The following IFNAR2 variants were observed in gnomAD, a reference collection of about 807,000 sequenced individuals.
IFNAR2 encodes the protein interferon alpha and beta receptor subunit 2.
IFNAR2 carries 30 observed loss-of-function variants against 49.4 expected under a neutral mutation model. The observed-to-expected ratio is 0.61, with a 90% CI of 0.45 to 0.82. The LOEUF is 0.82. IFNAR2 is among the 40% of genes least tolerant of loss of function. IFNAR2 has a pLI of 0.00. For missense variants in IFNAR2, 600 were observed against 622.7 expected, an observed-to-expected ratio of 0.96 and a Z score of 0.39; for synonymous variants, 224 against 234.5, an observed-to-expected ratio of 0.96 and a Z score of 0.41.
intron 5 of IFNAR2, 73 bp from the exon 6 acceptor site, chr21:33,248,636 G>T (rs1336636243): frequency 2.6e-5 from 37 of 1,432,020 alleles, no homozygotes; most frequent in Non-Finnish European, 3.3e-5. Flanking sequence ...GGCCAGAGAA[G>T]AACCACTTTA....
At chr21:33,236,699 A>G (rs1383179876) in intron 1 of IFNAR2, 1 of 985,242 alleles carries the variant, frequency 1.0e-6, no homozygotes, top group Non-Finnish European at 1.2e-6. Context: ...CTGGGAGCCT[A>G]AACTGCAGGA....
intron 1 of IFNAR2, among the ~76,000 whole-genome samples, chr21:33,238,109 G>A (rs750105342): frequency 3.9e-5 from 6 of 152,090 alleles, no homozygotes; most frequent in Admixed American, 1.3e-4. Context: ...CAAACATCTC[G>A]GCTGACCGAA....
In IFNAR2 at chr21:33,265,614, AATG is replaced by A. The variant is rs1988904605; in HGVS notation, c.*2117_*2119del. ...TTGTGTATTTTTTAACATTTTGTAT[AATG>A]ATTGGAGGTTGGTAAAAAGTAACAC... On this transcript the variant is annotated 3_prime_UTR_variant, in exon 9 of 9. Coordinates refer to ENST00000342136, the MANE Select transcript of IFNAR2 (RefSeq NM_001289125.3). The A allele has an allele frequency of 5.0e-6, 1 of 199,636 alleles. No homozygotes were observed. Among genetic ancestry groups the A allele is most frequent in the South Asian group, 6.1e-5 (1 of 16,360 alleles). The allele number at this position is 199,636 out of a possible 1,614,324, so 12.4% of individuals were successfully genotyped here.
chr21:33,246,805 C>T lies in IFNAR2; in HGVS notation c.309C>T (p.His103=), dbSNP rs1327351250. The T allele has an allele frequency of 3.1e-6, 5 of 1,613,932 alleles. No homozygotes were observed. The highest frequency in any genetic ancestry group is 3.3e-5 in the Admixed American group (2 of 60,018). ...CDLTDEWRST[H]EAYVTVLEGF... Reference sequence around the variant, plus strand: ...TCACAGATGAGTGGAGAAGCACACACGAGGCCTATGTCACCGTCCTAGAAG... The same window carrying T: ...TCACAGATGAGTGGAGAAGCACACATGAGGCCTATGTCACCGTCCTAGAAG... The change falls in exon 5 of 9, where the codon CAC becomes CAT. Residue 103 remains histidine, a synonymous_variant. Transcript: ENST00000342136.
At chr21:33,232,107 A>G (rs1986104722) in intron 1 of IFNAR2, among the ~76,000 whole-genome samples, 1 of 152,256 alleles carries the variant, frequency 6.6e-6, no homozygotes, top group African/African-American at 2.4e-5. Flanking sequence ...ATGAAGTAAG[A>G]AAAAACACTG....
rs1988606540 is a variant in IFNAR2 at position 33,262,089 on chromosome 21, C to T, written c.841-704C>T. Reference sequence around the variant, plus strand: ...TGGGCATAAGAATAGTAAGCCTGGCCAGGCGCGGTGGCCACGCCTATAAAC... The same window carrying T: ...TGGGCATAAGAATAGTAAGCCTGGCTAGGCGCGGTGGCCACGCCTATAAAC... On this transcript the variant is annotated intron_variant, in intron 8 of 8. Transcript: ENST00000342136. 2.6e-5 allele frequency among the ~76,000 whole-genome samples: 4 copies of T among 151,968 alleles called. No homozygotes were observed. The South Asian group carries it at 8.3e-4, about 31-fold the overall frequency.
At chr21:33,261,035 CTTTTTTTTT>C (rs368696822) in intron 8 of IFNAR2, among the ~76,000 whole-genome samples, 1 of 95,998 alleles carries the variant, frequency 1.0e-5, no homozygotes, top group Non-Finnish European at 1.9e-5. Flanking sequence ...GTTTTCTTTC[CTTTTTTTTT>C]TTTTTTTTTT....
chr21:33,252,512 C>T, intron 6 of IFNAR2, 150 bp from the exon 7 acceptor site: 1 of 1,432,668 alleles, frequency 7.0e-7, no homozygotes, highest in Non-Finnish European at 9.1e-7. Context: ...TGATAAATTA[C>T]TTGCTCCAGA....
At chr21:33,235,131 G>A (rs6517153) in intron 1 of IFNAR2, among the ~76,000 whole-genome samples, 48,046 of 152,142 alleles carry the variant, frequency 0.32, 8,219 homozygotes, top group East Asian at 0.58. Flanking sequence ...ATTAGCATAT[G>A]ATAAGCAGTG....
At position 33,244,999 on chromosome 21, in the gene IFNAR2, G is replaced by A. The variant is rs533026439; in HGVS notation, c.146G>A (p.Arg49Gln). Residue 49 changes from arginine (R) to glutamine (Q), a missense_variant, in exon 4 of 9, where the codon CGG becomes CAG. By Grantham distance (43) the Arg-to-Gln change is conservative. Transcript: ENST00000342136. ...TTCAAGATATCATTGCGAAATTTCC[G>A]GTCCATCTTATCATGGGAATTAAAA... ...CTFKISLRNF[R>Q]SILSWELKNH... 13 of 1,610,310 alleles carry A rather than the reference G, an allele frequency of 8.1e-6. No individual in the cohort carries two copies. The highest frequency in any genetic ancestry group is 2.2e-5 in the East Asian group (1 of 44,876).
Position 33,230,785 on chromosome 21 carries a change from G to A in IFNAR2, c.-84+569G>A, listed in dbSNP as rs1432680174. ...GGAGGCAGGAGGGGGAAGGGGCGAG[G>A]GGACGTGGCCGCGGAGACAGAAGGG... On this transcript the variant is annotated intron_variant, in intron 1 of 8. Coordinates refer to ENST00000342136, the MANE Select transcript of IFNAR2 (RefSeq NM_001289125.3). This position sits in a 1 kb window ranked among gnomAD's most constrained non-coding sequence, Gnocchi z 5.5. Among the ~76,000 whole-genome samples, 3 of 152,162 alleles carry A rather than the reference G, an allele frequency of 2.0e-5. No homozygotes were observed. The highest frequency in any genetic ancestry group is 4.4e-5 in the Non-Finnish European group (3 of 68,018).
At chr21:33,248,602 G>A in intron 5 of IFNAR2, 107 bp from the exon 6 acceptor site, 2 of 993,698 alleles carry the variant, frequency 2.0e-6, no homozygotes, top group Non-Finnish European at 2.8e-6. Flanking sequence ...ATGTAAATCA[G>A]GACTTGGCAG....
intron 8 of IFNAR2, 56 bp downstream of exon 8, chr21:33,260,783 T>G: frequency 1.8e-6 from 2 of 1,132,486 alleles, no homozygotes; most frequent in Non-Finnish European, 1.2e-6. Context: ...TTATTTTAAC[T>G]TAAGAATTTG....
At chr21:33,257,784 G>A (rs1019960445) in intron 7 of IFNAR2, among the ~76,000 whole-genome samples, 5 of 152,084 alleles carry the variant, frequency 3.3e-5, no homozygotes, top group African/African-American at 9.7e-5. Context: ...AGACACGTGC[G>A]GCAGCAGTAG....
At chr21:33,252,992 T>A in intron 7 of IFNAR2, 162 bp downstream of exon 7, 1 of 665,768 alleles carries the variant, frequency 1.5e-6, no homozygotes. Flanking sequence ...GTGTGTATGA[T>A]CTGGTAGAGT....
chr21:33,231,677 T>TC (rs1209889086), intron 1 of IFNAR2: 3 of 984,762 alleles, frequency 3.0e-6, no homozygotes, highest in Non-Finnish European at 3.6e-6. Context: ...TTCAAACTGT[T>TC]CAAGAGTCAA....
At position 33,237,943 on chromosome 21, in the gene IFNAR2, A is replaced by G. The variant is rs1986604127; in HGVS notation, c.-83-3897A>G. ...AGCAAAGAGATAAAGCAGATAAGCC[A>G]TAGGTCTACCTTGCTTCATGGTCCA... is the stretch of plus-strand genomic sequence containing the variant. On this transcript the variant is annotated intron_variant, in intron 1 of 8. Transcript: ENST00000342136. Among the ~76,000 whole-genome samples, 3 of 152,204 alleles carry G rather than the reference A, an allele frequency of 2.0e-5. No individual in the cohort carries two copies. In the South Asian group the frequency reaches 6.2e-4, roughly 31 times the overall value.
chr21:33,244,836 C>G lies in IFNAR2; in HGVS notation c.98-115C>G. 9.5e-6 allele frequency: 9 copies of G among 944,958 alleles called. No individual in the cohort carries two copies. The South Asian group carries it at 1.3e-4, about 14-fold the overall frequency. 58.5% of individuals were successfully genotyped at this position (944,958 alleles called of 1,614,324 possible). Reference sequence around the variant, plus strand: ...CCTGTTTTCAAGACACCAGGGCTCTCTGGAGAGGTTATCTGCCAGAGGTGT... The same window carrying G: ...CCTGTTTTCAAGACACCAGGGCTCTGTGGAGAGGTTATCTGCCAGAGGTGT... On this transcript the variant is annotated intron_variant, in intron 3 of 8. Transcript: ENST00000342136.
rs1410098811 is a variant in IFNAR2, at chr21:33,262,944, G to A, written c.992G>A (p.Arg331Lys). The A allele has an allele frequency of 1.9e-6, 3 of 1,614,090 alleles. No individual in the cohort carries two copies. The African/African-American group carries it at 4.0e-5, about 22-fold the overall frequency. The change falls in exon 9 of 9, where the codon AGG (arginine) becomes AAG (lysine). Residue 331 changes from arginine (R) to lysine (K), a missense_variant. Physicochemically the swap from Arg to Lys is conservative, Grantham distance 26 (BLOSUM62 2). Transcript: ENST00000342136. ...ESDSDTEAAP[R>K]TSGGGYTMHG... ...GATAGCGATACTGAGGCAGCGCCCA[G>A]GACAAGTGGCGGTGGCTATACCATG...
Sources: gnomAD v4.1 joint callset for allele counts (sites outside exome capture counted in the v4.1 genomes callset) on GRCh38, gnomAD v4.1.1 for gene constraint, Gnocchi (gnomAD v3.1) non-coding constraint, MANE v1.5 for transcripts, NCBI Gene and HGNC (gene_info 2026-07-23, HGNC 2026-07-21) for gene names.